RPS6KC1: variants seen among roughly 807,000 people sequenced by gnomAD.
The protein encoded by RPS6KC1 is inactive ribosomal protein S6 kinase delta-1.
RPS6KC1 carries 54 observed loss-of-function variants against 103.8 expected under a neutral mutation model. That is an observed-to-expected ratio of 0.52 (90% CI 0.42 to 0.65). RPS6KC1 has a LOEUF of 0.65. RPS6KC1 is among the 30% of genes least tolerant of loss of function. The pLI, the probability that RPS6KC1 is intolerant of heterozygous loss-of-function variation, is 0.00. For missense variants in RPS6KC1, 1,151 were observed against 1,253.8 expected, an observed-to-expected ratio of 0.92 and a Z score of 1.24; for synonymous variants, 439 against 438.7, an observed-to-expected ratio of 1.00 and a Z score of -0.01.
chr1:213,535,915 T>C, the RPS6KC1 span, among the ~76,000 whole-genome samples: 2 of 151,468 alleles, frequency 1.3e-5, no homozygotes, highest in Non-Finnish European at 2.9e-5. Context: ...GAGCTGGGGG[T>C]GGGGTGATAA....
chr1:213,347,902 A>T, the RPS6KC1 span, among the ~76,000 whole-genome samples: 1 of 152,190 alleles, frequency 6.6e-6, no homozygotes, highest in Non-Finnish European at 1.5e-5. Context: ...GTATGGCAAT[A>T]GGACATAGCC....
At chr1:213,747,099 G>A in the RPS6KC1 span, among the ~76,000 whole-genome samples, 1 of 152,076 alleles carries the variant, frequency 6.6e-6, no homozygotes, top group South Asian at 2.1e-4. Flanking sequence ...AGGACCCTGG[G>A]CACTCCTGGG....
the RPS6KC1 span, among the ~76,000 whole-genome samples, chr1:213,685,111 A>T: frequency 6.6e-6 from 1 of 152,068 alleles, no homozygotes; most frequent in Non-Finnish European, 1.5e-5. Context: ...GTTGCCCTGG[A>T]TGAAAATGCT....
chr1:213,843,580 T>G, the RPS6KC1 span: 3 of 152,144 alleles, frequency 2.0e-5, no homozygotes, highest in Non-Finnish European at 4.4e-5. Flanking sequence ...TGGAAAACAT[T>G]TCAGAGACCA....
chr1:213,301,032 G>A, the RPS6KC1 span, among the ~76,000 whole-genome samples: 1 of 152,104 alleles, frequency 6.6e-6, no homozygotes, highest in Non-Finnish European at 1.5e-5. Flanking sequence ...TCTCTACTGT[G>A]ACGCAATCCC....
chr1:213,857,640 TTC>T, the RPS6KC1 span, among the ~76,000 whole-genome samples: 1 of 152,176 alleles, frequency 6.6e-6, no homozygotes, highest in African/African-American at 2.4e-5. Flanking sequence ...GAATTATTAT[TTC>T]TCTGTCTTGA....
Position 213,057,999 on chromosome 1 carries a change from C to T in RPS6KC1, c.105+6490C>T, listed in dbSNP as rs998884093. Among the ~76,000 whole-genome samples the T allele has an allele frequency of 4.0e-5, 6 of 148,616 alleles. 1 individual carries two copies. In the South Asian group the frequency reaches 1.3e-3, roughly 31 times the overall value. ...TCCAGGCTGGTCTCAAACTCCTGGT[C>T]TCAAGCAATCTGCCTGTCTTGGCCT... On this transcript the variant is annotated intron_variant, in intron 1 of 14. Coordinates refer to ENST00000366960, the MANE Select transcript of RPS6KC1 (RefSeq NM_012424.6).
At position 213,083,894 on chromosome 1, in the gene RPS6KC1, T is replaced by C. The variant is rs552569646; in HGVS notation, c.262+6078T>C. ...AAAAAAGACTGTAGCTTCCATCTTG[T>C]GTGCTCATGCTCCCACCTCCCCTCC... On this transcript the variant is annotated intron_variant, in intron 3 of 14. Coordinates refer to ENST00000366960, the MANE Select transcript of RPS6KC1 (RefSeq NM_012424.6). Among the ~76,000 whole-genome samples, 8 of 152,332 alleles carry C rather than the reference T, an allele frequency of 5.3e-5. No individual in the cohort carries two copies. The South Asian group carries it at 1.7e-3, about 32-fold the overall frequency.
chr1:213,697,574 T>A, the RPS6KC1 span, among the ~76,000 whole-genome samples: 1 of 152,204 alleles, frequency 6.6e-6, no homozygotes, highest in Non-Finnish European at 1.5e-5. Context: ...ACTTGAGAAG[T>A]CAAACACCCC....
the RPS6KC1 span, among the ~76,000 whole-genome samples, chr1:213,630,130 T>C: frequency 6.6e-6 from 1 of 152,260 alleles, no homozygotes; most frequent in Non-Finnish European, 1.5e-5. Flanking sequence ...AATATTGGTC[T>C]GCCTTGCTAG....
At chr1:213,184,835 C>T (rs1221613211) in intron 8 of RPS6KC1, among the ~76,000 whole-genome samples, 1 of 152,042 alleles carries the variant, frequency 6.6e-6, no homozygotes, top group Non-Finnish European at 1.5e-5. Context: ...TGTTTTATCC[C>T]ATTGTGGTCA....
At chr1:213,408,161 C>G in the RPS6KC1 span, among the ~76,000 whole-genome samples, 1 of 152,174 alleles carries the variant, frequency 6.6e-6, no homozygotes, top group Admixed American at 6.5e-5. Flanking sequence ...CCCAATCTAG[C>G]CACAATCAGG....
At chr1:213,501,066 C>T in the RPS6KC1 span, among the ~76,000 whole-genome samples, 6 of 150,628 alleles carry the variant, frequency 4.0e-5, no homozygotes, top group Non-Finnish European at 5.9e-5. Context: ...AGATTTAATT[C>T]GATTTCAATT....
chr1:213,461,954 A>G, the RPS6KC1 span, among the ~76,000 whole-genome samples: 1 of 152,236 alleles, frequency 6.6e-6, no homozygotes, highest in Non-Finnish European at 1.5e-5. Flanking sequence ...TCTGCACAGC[A>G]AAAGAAACTA....
At chr1:213,435,053 T>C in the RPS6KC1 span, among the ~76,000 whole-genome samples, 2 of 152,166 alleles carry the variant, frequency 1.3e-5, no homozygotes, top group African/African-American at 4.8e-5. Context: ...CACAGCATAC[T>C]CATGCTGTCT....
At chr1:213,698,848 T>C in the RPS6KC1 span, among the ~76,000 whole-genome samples, 1 of 152,142 alleles carries the variant, frequency 6.6e-6, no homozygotes, top group Non-Finnish European at 1.5e-5. Flanking sequence ...TTTCATTTTG[T>C]TCATTTCTCT....
At position 213,117,997 on chromosome 1, in the gene RPS6KC1, G is replaced by A. The variant is rs181044569; in HGVS notation, c.472+587G>A. On this transcript the variant is annotated intron_variant, in intron 5 of 14. Transcript: ENST00000366960. ...AGACTGTGCCACTGCACTCTAGCCT[G>A]GACAACAAAGCAAGACTTTGTCTCA... Among the ~76,000 whole-genome samples the A allele has an allele frequency of 5.5e-3, 351 of 63,360 alleles. 2 individuals are homozygous for A. The highest frequency in any genetic ancestry group is 0.02 in the African/African-American group (337 of 16,992). 41.6% of individuals were successfully genotyped at this position (63,360 alleles called of 152,430 possible).
At chr1:213,363,339 G>T in the RPS6KC1 span, among the ~76,000 whole-genome samples, 4 of 152,208 alleles carry the variant, frequency 2.6e-5, no homozygotes, top group Admixed American at 2.6e-4. Context: ...GCAAGAGGTT[G>T]ATTTTTCTCA....
At chr1:213,069,274 C>T (rs905708641) in intron 1 of RPS6KC1, among the ~76,000 whole-genome samples, 1 of 152,090 alleles carries the variant, frequency 6.6e-6, no homozygotes, top group Non-Finnish European at 1.5e-5. Context: ...AAGATTTCAC[C>T]AAGTTTATAT....
Sources: gnomAD v4.1 joint callset for allele counts (sites outside exome capture counted in the v4.1 genomes callset) on GRCh38, gnomAD v4.1.1 for gene constraint, MANE v1.5 for transcripts, NCBI Gene and HGNC (gene_info 2026-07-23, HGNC 2026-07-21) for gene names.